Variants in HDHD2 observed in about 807,000 individuals in gnomAD.
The protein encoded by HDHD2 is haloacid dehalogenase-like hydrolase domain-containing protein 2.
HDHD2 carries 26 observed loss-of-function variants against 24.8 expected under a neutral mutation model. That is an observed-to-expected ratio of 1.05 (90% CI 0.77 to 1.45). The LOEUF is 1.45. Among genes scored for constraint, HDHD2 ranks in the 40% most tolerant of loss-of-function variants. The probability of loss-of-function intolerance (pLI) is 0.00; values close to 1 mark genes in which losing one functional copy is unlikely to be tolerated. For synonymous variants in HDHD2, 128 were observed against 114.9 expected (o/e 1.11, Z -0.73); for missense variants, 299 against 313.4 (o/e 0.95, Z 0.35).
intron 1 of HDHD2, among the ~76,000 whole-genome samples, chr18:47,140,428 T>C (rs1033563616): frequency 2.6e-4 from 40 of 152,388 alleles, no homozygotes; most frequent in African/African-American, 8.9e-4. Flanking sequence ...TATTAAATTA[T>C]TTTAAATTAC....
intron 1 of HDHD2, among the ~76,000 whole-genome samples, chr18:47,147,766 A>G (rs1301931595): frequency 6.6e-6 from 1 of 152,176 alleles, no homozygotes; most frequent in Non-Finnish European, 1.5e-5. Flanking sequence ...ACATTTTAAA[A>G]GCCTATATTC....
chr18:47,109,869 A>T (rs964406620), intron 6 of HDHD2: 1 of 476,416 alleles, frequency 2.1e-6, no homozygotes, highest in Non-Finnish European at 2.7e-6. Flanking sequence ...GACAGGGGCT[A>T]TATCTGTTAC....
intron 1 of HDHD2, among the ~76,000 whole-genome samples, chr18:47,144,067 ATG>A (rs374300417): frequency 2.6e-5 from 4 of 151,626 alleles, no homozygotes; most frequent in African/African-American, 4.8e-5. Context: ...AATTATACAC[ATG>A]TGTGTGTGCA....
intron 4 of HDHD2, among the ~76,000 whole-genome samples, chr18:47,126,723 G>A (rs984207379): frequency 7.2e-5 from 11 of 151,804 alleles, no homozygotes; most frequent in African/African-American, 2.2e-4. Flanking sequence ...GGCCTCAAAC[G>A]TTTCCTAGGC....
intron 1 of HDHD2, among the ~76,000 whole-genome samples, chr18:47,143,866 C>A (rs544881891): frequency 1.3e-5 from 2 of 152,172 alleles, no homozygotes; most frequent in South Asian, 4.1e-4. Flanking sequence ...AAATAGGAGT[C>A]CAAAAAGATC....
intron 3 of HDHD2, 32 bp downstream of exon 3, chr18:47,134,464 T>C (rs763552392): frequency 1.1e-5 from 16 of 1,436,110 alleles, no homozygotes; most frequent in Non-Finnish European, 1.6e-5. Context: ...CATATAAATA[T>C]CCAATCTTTA....
intron 1 of HDHD2, among the ~76,000 whole-genome samples, chr18:47,137,676 C>G (rs2063778770): frequency 6.6e-6 from 1 of 152,056 alleles, no homozygotes; most frequent in Non-Finnish European, 1.5e-5. Flanking sequence ...CATAAAAATC[C>G]CTGCATATCT....
chr18:47,130,470 C>A, intron 3 of HDHD2, 142 bp from the exon 4 acceptor site: 1 of 587,810 alleles, frequency 1.7e-6, no homozygotes, highest in African/African-American at 1.9e-5. Flanking sequence ...GCCCAGTGTA[C>A]TTTGGAAGTA....
chr18:47,108,955 A>G, intron 6 of HDHD2, 170 bp from the exon 7 acceptor site: 1 of 559,804 alleles, frequency 1.8e-6, no homozygotes, highest in Non-Finnish European at 3.1e-6. Flanking sequence ...TAAATGAGGC[A>G]ATTCAAAGAA....
intron 1 of HDHD2, among the ~76,000 whole-genome samples, chr18:47,148,329 G>T (rs1471589352): frequency 1.3e-5 from 2 of 152,150 alleles, no homozygotes; most frequent in African/African-American, 2.4e-5. Context: ...CTACAAGCTG[G>T]TATTTGATAA....
chr18:47,125,361 C>G (rs945601191), intron 4 of HDHD2, among the ~76,000 whole-genome samples: 1 of 152,136 alleles, frequency 6.6e-6, no homozygotes, highest in Non-Finnish European at 1.5e-5. Flanking sequence ...AATTACCTAT[C>G]GTACTATCTA....
intron 4 of HDHD2, among the ~76,000 whole-genome samples, chr18:47,127,783 C>G (rs1047516043): frequency 3.3e-5 from 5 of 150,874 alleles, no homozygotes; most frequent in Non-Finnish European, 7.4e-5. Flanking sequence ...TGTAGAAAGG[C>G]TGTACTATGC....
chr18:47,133,498 T>TGGGTATATACCCAGG (rs140706925), intron 3 of HDHD2, among the ~76,000 whole-genome samples: 2 of 122,586 alleles, frequency 1.6e-5, no homozygotes, highest in African/African-American at 3.0e-5. Flanking sequence ...TATAGTCCTT[T>TGGGTATATACCCAGG]AATGGGATGG....
chr18:47,124,270 CAG>C (rs1568049288), intron 4 of HDHD2, among the ~76,000 whole-genome samples: 1 of 152,098 alleles, frequency 6.6e-6, no homozygotes, highest in African/African-American at 2.4e-5. Flanking sequence ...TTAAACAAAA[CAG>C]AAGAAAATAC....
chr18:47,144,810 A>AAAG (rs2063852822), intron 1 of HDHD2, among the ~76,000 whole-genome samples: 3 of 151,014 alleles, frequency 2.0e-5, no homozygotes, highest in Non-Finnish European at 4.4e-5. Flanking sequence ...AAAAAAAAAA[A>AAAG]AAAAGAAAAG....
At chr18:47,117,623 T>C (rs1027841040) in intron 4 of HDHD2, among the ~76,000 whole-genome samples, 7 of 152,136 alleles carry the variant, frequency 4.6e-5, no homozygotes, top group East Asian at 3.8e-4. Context: ...TGTAAAAAGA[T>C]AGTTGTTTTT....
chr18:47,126,921 T>A (rs555504375), intron 4 of HDHD2, among the ~76,000 whole-genome samples: 2 of 152,274 alleles, frequency 1.3e-5, no homozygotes, highest in Admixed American at 1.3e-4. Flanking sequence ...TCCCAGCACT[T>A]TGGGAGGCTG....
intron 1 of HDHD2, among the ~76,000 whole-genome samples, chr18:47,140,254 T>G (rs542195065): frequency 6.6e-6 from 1 of 152,336 alleles, no homozygotes; most frequent in East Asian, 1.9e-4. Flanking sequence ...TGACTAGAAC[T>G]ACATTTAATC....
intron 1 of HDHD2, among the ~76,000 whole-genome samples, chr18:47,138,857 A>G (rs2063792804): frequency 6.6e-6 from 1 of 152,218 alleles, no homozygotes; most frequent in Non-Finnish European, 1.5e-5. Context: ...AATGCTGCAC[A>G]GGGGTCAAGA....
Sources: gnomAD v4.1 joint callset for allele counts (sites outside exome capture counted in the v4.1 genomes callset) on GRCh38, gnomAD v4.1.1 for gene constraint, MANE v1.5 for transcripts, NCBI Gene and HGNC (gene_info 2026-07-23, HGNC 2026-07-21) for gene names.